The following TLN2 variants were observed in gnomAD, a reference collection of about 807,000 sequenced individuals.
TLN2 encodes talin 2, also known as talin-2.
In TLN2, 118 loss-of-function variants were observed where a neutral mutation model predicts 294.7. The ratio of observed to expected loss-of-function variants is 0.40; its 90% CI spans 0.34 to 0.47. TLN2 has a LOEUF of 0.47. TLN2 is among the 20% of genes least tolerant of loss of function. The pLI, the probability that TLN2 is intolerant of heterozygous loss-of-function variation, is 0.84. For missense variants in TLN2, 3,083 were observed against 3,282.2 expected (o/e 0.94, Z 1.48); for synonymous variants, 1,431 against 1,304.5 (o/e 1.10, Z -2.09).
At chr15:62,680,373 T>G (rs1028607075) in intron 11 of TLN2, among the ~76,000 whole-genome samples, 1 of 152,210 alleles carries the variant, frequency 6.6e-6, no homozygotes, top group African/African-American at 2.4e-5. Context: ...TGTACATGTT[T>G]TAACAATATG....
intron 1 of TLN2, among the ~76,000 whole-genome samples, chr15:62,562,906 T>TCA (rs61578830): frequency 0.058 from 5,737 of 99,078 alleles, 202 homozygotes; most frequent in Non-Finnish European, 0.063. Context: ...TAGTATTCCA[T>TCA]CACACACACA....
chr15:62,707,941 G>T (rs1038523457), intron 20 of TLN2, among the ~76,000 whole-genome samples: 2 of 152,074 alleles, frequency 1.3e-5, no homozygotes, highest in Admixed American at 1.3e-4. Flanking sequence ...CTGTCATGTT[G>T]TATAGATCTG....
intron 1 of TLN2, among the ~76,000 whole-genome samples, chr15:62,437,761 G>T (rs1566970914): frequency 6.6e-6 from 1 of 151,832 alleles, no homozygotes; most frequent in African/African-American, 2.4e-5. Context: ...GGGTGTGTGT[G>T]TGTGTGTGTG....
At chr15:62,625,574 C>T (rs1422359806) in intron 3 of TLN2, among the ~76,000 whole-genome samples, 1 of 152,098 alleles carries the variant, frequency 6.6e-6, no homozygotes, top group Non-Finnish European at 1.5e-5. Flanking sequence ...CAAGAGGAAG[C>T]CAGCAGCAGC....
chr15:62,832,743 C>G (rs960465595), intron 54 of TLN2: 1 of 152,106 alleles, frequency 6.6e-6, no homozygotes, highest in African/African-American at 2.4e-5. Context: ...TGGTCTATAA[C>G]TCTCTCAGTG....
chr15:62,801,908 A>G (rs564946428), intron 50 of TLN2, among the ~76,000 whole-genome samples: 3 of 152,262 alleles, frequency 2.0e-5, no homozygotes, highest in Non-Finnish European at 4.4e-5. Context: ...TAATAATCAC[A>G]TCAGGATAAT....
chr15:62,650,203 T>C (rs1372441198), intron 5 of TLN2, 22 bp downstream of exon 5: 8 of 1,612,316 alleles, frequency 5.0e-6, no homozygotes, highest in Non-Finnish European at 5.9e-6. Context: ...ATCCCAGTGC[T>C]GTTTCTTCAT....
chr15:62,420,167 A>G (rs2034309071), intron 1 of TLN2, among the ~76,000 whole-genome samples: 1 of 152,200 alleles, frequency 6.6e-6, no homozygotes, highest in African/African-American at 2.4e-5. Flanking sequence ...TCTAGAATTT[A>G]ATGTATTCAT....
intron 1 of TLN2, among the ~76,000 whole-genome samples, chr15:62,515,869 A>G (rs1450751061): frequency 6.6e-6 from 1 of 152,028 alleles, no homozygotes; most frequent in Non-Finnish European, 1.5e-5. Context: ...CCTGTCCTTT[A>G]TGTGTGCTGG....
chr15:62,788,778 C>T (rs895356673), intron 45 of TLN2, among the ~76,000 whole-genome samples: 2 of 152,224 alleles, frequency 1.3e-5, no homozygotes, highest in African/African-American at 4.8e-5. Flanking sequence ...CTCTCTGTAC[C>T]AGTCTGCCTC....
intron 2 of TLN2, among the ~76,000 whole-genome samples, chr15:62,612,662 A>G (rs1375666789): frequency 1.3e-5 from 2 of 152,172 alleles, no homozygotes; most frequent in Admixed American, 6.5e-5. Flanking sequence ...TTGTCACCAG[A>G]AAAGCAATTT....
chr15:62,618,107 A>G (rs557974266), intron 2 of TLN2, among the ~76,000 whole-genome samples: 13 of 152,100 alleles, frequency 8.5e-5, no homozygotes, highest in African/African-American at 2.4e-4. Flanking sequence ...TGCCTCAGGC[A>G]ATTCTTGAGA....
chr15:62,635,713 G>C (rs1274354442), intron 3 of TLN2, among the ~76,000 whole-genome samples: 1 of 152,070 alleles, frequency 6.6e-6, no homozygotes, highest in Non-Finnish European at 1.5e-5. Context: ...AGGGTAAATA[G>C]GATCTCCCTT....
chr15:62,629,452 G>A (rs187129245), intron 3 of TLN2, among the ~76,000 whole-genome samples: 1 of 152,292 alleles, frequency 6.6e-6, no homozygotes, highest in African/African-American at 2.4e-5. Context: ...CCTAGGCTGA[G>A]CTTCGGGAGG....
intron 1 of TLN2, among the ~76,000 whole-genome samples, chr15:62,538,732 A>G (rs1318195690): frequency 2.0e-5 from 3 of 152,198 alleles, no homozygotes; most frequent in South Asian, 2.1e-4. Context: ...ACCTCTTTCT[A>G]TGTAAGGAAG....
In TLN2 at chr15:62,790,864, A is replaced by G. The variant is rs533503812; in HGVS notation, c.5737-1777A>G. Among the ~76,000 whole-genome samples, 695 of 152,338 alleles carry G rather than the reference A, an allele frequency of 4.6e-3. 3 individuals carry two copies. Among genetic ancestry groups the G allele is most frequent in the Non-Finnish European group, 7.7e-3 (522 of 68,036 alleles). On this transcript the variant is annotated intron_variant, in intron 45 of 58. Transcript: ENST00000636159. The stretch of plus-strand genomic sequence containing the variant: ...TTCCCGCCTCAGCGGCAGCCATACT[A>G]CTACACCAGTCCAGATCTGTTTGCA...
At chr15:62,825,777 A>G (rs371315189) in intron 54 of TLN2, among the ~76,000 whole-genome samples, 1 of 24,662 alleles carries the variant, frequency 4.1e-5, no homozygotes, top group Non-Finnish European at 7.8e-5. Context: ...ATATTATATA[A>G]TATATTATAT....
At chr15:62,604,071 A>G (rs747045981) in intron 2 of TLN2, among the ~76,000 whole-genome samples, 19 of 152,214 alleles carry the variant, frequency 1.2e-4, no homozygotes, top group Non-Finnish European at 1.9e-4. Context: ...TATAATTTCT[A>G]TGTATCATGA....
rs374231402 is a variant in TLN2, at chr15:62,708,727, C to T, written c.2398C>T (p.Arg800Cys). Residue 800 changes from arginine to cysteine, a missense_variant, in exon 21 of 59, where the codon CGC becomes TGC. Physicochemically the swap from Arg to Cys is radical, Grantham distance 180 (BLOSUM62 -3). Transcript: ENST00000636159. ...TGCCAGCCGAGGCGAGCCCATCGGC[C>T]GCTACGACCAGGCTACTGACACCAT... ...QFASRGEPIGRYDQATDTIMC... is the reference protein window; with the variant it reads ...QFASRGEPIGCYDQATDTIMC... 46 of 1,612,422 alleles carry T rather than the reference C, an allele frequency of 2.9e-5. No individual in the cohort carries two copies. Among genetic ancestry groups the T allele is most frequent in the African/African-American group, 6.7e-5 (5 of 74,936 alleles).
Sources: gnomAD v4.1 joint callset for allele counts (sites outside exome capture counted in the v4.1 genomes callset) on GRCh38, gnomAD v4.1.1 for gene constraint, MANE v1.5 for transcripts, NCBI Gene and HGNC (gene_info 2026-07-23, HGNC 2026-07-21) for gene names.